Variants in CELSR1 observed in about 807,000 individuals in gnomAD.
CELSR1 encodes adhesion G protein-coupled receptor C1.
CELSR1 carries 110 observed loss-of-function variants against 249.1 expected under a neutral mutation model. The observed-to-expected ratio is 0.44, with a 90% CI of 0.38 to 0.52. The LOEUF is 0.52. Ranked by LOEUF, CELSR1 falls within the 20% of genes least tolerant of loss-of-function variation. CELSR1 has a pLI of 0.00. For missense variants in CELSR1, 4,109 were observed against 4,296.4 expected (o/e 0.96, Z 1.22); for synonymous variants, 2,113 against 1,900.0 (o/e 1.11, Z -2.92).
In CELSR1 at chr22:46,393,371, C is replaced by T. The variant is rs9615360; in HGVS notation, c.5964+771G>A. ...GTTAGGACTGACCGCCCTGGACAGG[C>T]GTGGGGCATAACGCACTTAGTGACA... On this transcript the variant is annotated intron_variant, in intron 14 of 34. Transcript: ENST00000674500. The surrounding 1 kb of genome is among the most constrained non-coding windows in gnomAD (Gnocchi z 4.1). Among the ~76,000 whole-genome samples the T allele has an allele frequency of 1.3e-5, 2 of 152,220 alleles. No individual in the cohort carries two copies. Among genetic ancestry groups the T allele is most frequent in the Non-Finnish European group, 2.9e-5 (2 of 68,030 alleles).
chr22:46,460,065 G>A (rs1227451168), intron 2 of CELSR1, among the ~76,000 whole-genome samples: 12 of 152,012 alleles, frequency 7.9e-5, no homozygotes, highest in South Asian at 4.2e-4. Context: ...AAAATTAGCC[G>A]GGCGTGGTGA....
At chr22:46,373,105 A>T in intron 24 of CELSR1, 48 bp from the exon 25 acceptor site, 1 of 1,512,808 alleles carries the variant, frequency 6.6e-7, no homozygotes, top group Non-Finnish European at 8.9e-7. Flanking sequence ...TCCCAGGCTG[A>T]GGTCAGACAG....
chr22:46,394,498 G>A (rs1175221356), intron 13 of CELSR1, among the ~76,000 whole-genome samples: 2 of 152,134 alleles, frequency 1.3e-5, no homozygotes, highest in Admixed American at 1.3e-4. Flanking sequence ...TCTGTCCACC[G>A]TGTGCCCCAC....
In CELSR1 at chr22:46,399,654, TTC is replaced by T. The variant is rs1243225784; in HGVS notation, c.5412+61_5412+62del. The T allele has an allele frequency of 1.3e-6, 2 of 1,545,862 alleles. No homozygotes were observed. The highest frequency in any genetic ancestry group is 1.8e-6 in the Non-Finnish European group (2 of 1,122,530). ...TGGGTCCTGGCACGTCAAGGGGTCA[TTC>T]TGTTTTTCCCTGGGCCGGAGGAAGG... On this transcript the variant is annotated intron_variant, in intron 10 of 34. Coordinates refer to ENST00000674500, the MANE Select transcript of CELSR1 (RefSeq NM_001378328.1). The surrounding 1 kb of genome is among the most constrained non-coding windows in gnomAD (Gnocchi z 5.0).
At position 46,406,972 on chromosome 22, in the gene CELSR1, C is replaced by T. The variant is rs570193827; in HGVS notation, c.5226+2024G>A. Among the ~76,000 whole-genome samples the T allele has an allele frequency of 6.6e-6, 1 of 152,336 alleles. No homozygotes were observed. The highest frequency in any genetic ancestry group is 1.5e-5 in the Non-Finnish European group (1 of 68,020). ...GGCGGAGGACACGCAGCCCAGACGC[C>T]GCTTTGGGAGGGACTTCCTGACCGC... On this transcript the variant is annotated intron_variant, in intron 9 of 34. Transcript: ENST00000674500. This position sits in a 1 kb window ranked among gnomAD's most constrained non-coding sequence, Gnocchi z 5.4.
chr22:46,439,163 TG>T, intron 3 of CELSR1, 25 bp downstream of exon 3: 1 of 1,597,298 alleles, frequency 6.3e-7, no homozygotes, highest in Non-Finnish European at 8.6e-7. Flanking sequence ...GAGACCCCCG[TG>T]TGGCGCGGCG....
In CELSR1 at chr22:46,374,240, G is replaced by A. The variant is rs528578402; in HGVS notation, c.7585-1183C>T. Among the ~76,000 whole-genome samples, 1 of 152,214 alleles carries A rather than the reference G, an allele frequency of 6.6e-6. No individual in the cohort carries two copies. The highest frequency in any genetic ancestry group is 1.9e-4 in the East Asian group (1 of 5,192). Reference sequence around the variant, plus strand: ...ATCACACTGGCTCAGGAAAAGGAAGGGGGTGAGAAGGTTGGTTGGCTGGAT... The same window carrying A: ...ATCACACTGGCTCAGGAAAAGGAAGAGGGTGAGAAGGTTGGTTGGCTGGAT... On this transcript the variant is annotated intron_variant, in intron 24 of 34. Transcript: ENST00000674500. This position sits in a 1 kb window ranked among gnomAD's most constrained non-coding sequence, Gnocchi z 4.3.
At chr22:46,496,685 C>T (rs998038728) in intron 1 of CELSR1, among the ~76,000 whole-genome samples, 1 of 151,424 alleles carries the variant, frequency 6.6e-6, no homozygotes, top group African/African-American at 2.4e-5. Flanking sequence ...TTAGCCTAGG[C>T]CTATGCAGGG....
intron 1 of CELSR1, among the ~76,000 whole-genome samples, chr22:46,492,135 G>T (rs1386134339): frequency 1.3e-5 from 2 of 152,236 alleles, no homozygotes; most frequent in African/African-American, 4.8e-5. Flanking sequence ...TTCCCTCGGG[G>T]CTGCTTCCCA....
chr22:46,497,063 T>C (rs2080421190), intron 1 of CELSR1, among the ~76,000 whole-genome samples: 1 of 152,090 alleles, frequency 6.6e-6, no homozygotes, highest in African/African-American at 2.4e-5. Context: ...AACACATGAG[T>C]AATGTGTTGC....
chr22:46,463,771 G>A lies in CELSR1; in HGVS notation c.4119C>T (p.Gly1373=), dbSNP rs747030341. 2.1e-5 allele frequency: 33 copies of A among 1,574,260 alleles called. No individual in the cohort carries two copies. The highest frequency in any genetic ancestry group is 9.0e-5 in the East Asian group (4 of 44,402). ...CGCGGCTGCGGCAGCGGCCGTTGGCGCCGCACGGGTCGGAGTAGCAGAGGT... is the reference window on the plus strand; with the variant it reads ...CGCGGCTGCGGCAGCGGCCGTTGGCACCGCACGGGTCGGAGTAGCAGAGGT... ...EIDLCYSDPC[G]ANGRCRSREG... Residue 1373 remains glycine, a synonymous_variant, in exon 2 of 35, where the codon GGC becomes GGT. Coordinates refer to ENST00000674500, the MANE Select transcript of CELSR1 (RefSeq NM_001378328.1).
At chr22:46,519,382 G>A (rs778145234) in intron 1 of CELSR1, among the ~76,000 whole-genome samples, 14 of 152,232 alleles carry the variant, frequency 9.2e-5, no homozygotes, top group African/African-American at 1.9e-4. Flanking sequence ...TTGAACCAGC[G>A]TGTGTACTGG....
In CELSR1 at chr22:46,447,192, T is replaced by C. The variant is rs1434373037; in HGVS notation, c.4184-7781A>G. ...GGCTGAGTTGAAAAGAGATGTGATA[T>C]GACAGATTTTTAATTCTAAAATCAT... On this transcript the variant is annotated intron_variant, in intron 2 of 34. Coordinates refer to ENST00000674500, the MANE Select transcript of CELSR1 (RefSeq NM_001378328.1). This position sits in a 1 kb window ranked among gnomAD's most constrained non-coding sequence, Gnocchi z 4.7. 1.3e-5 allele frequency among the ~76,000 whole-genome samples: 2 copies of C among 152,170 alleles called. No individual in the cohort carries two copies. Among genetic ancestry groups the C allele is most frequent in the East Asian group, 1.9e-4 (1 of 5,172 alleles).
At chr22:46,444,052 T>C (rs752629647) in intron 2 of CELSR1, among the ~76,000 whole-genome samples, 63 of 152,204 alleles carry the variant, frequency 4.1e-4, no homozygotes, top group African/African-American at 1.4e-3. Flanking sequence ...CAGCCGCTTC[T>C]GTCTGTCCCA....
intron 1 of CELSR1, among the ~76,000 whole-genome samples, chr22:46,501,199 A>AT (rs57293109): frequency 0.069 from 7,510 of 108,314 alleles, 743 homozygotes; most frequent in African/African-American, 0.22. Context: ...TGCCCGGCTA[A>AT]TTTTTTTTTT....
chr22:46,481,733 GCTC>G lies in CELSR1; in HGVS notation c.3545-17391_3545-17389del, dbSNP rs202181049. The G allele has an allele frequency of 9.0e-3, 4,618 of 511,348 alleles. 31 individuals carry two copies. The highest frequency in any genetic ancestry group is 0.012 in the Non-Finnish European group (3,464 of 281,366). 31.7% of individuals were successfully genotyped at this position (511,348 alleles called of 1,614,324 possible). A position where few individuals can be genotyped will look rare whatever the true frequency, so the allele number is the denominator to read the frequency against. ...ACCTCCTGCACCCGCAGCTGCTGCA[GCTC>G]CCCAGTGGCAACCCTGTGCTGCCCC... On this transcript the variant is annotated intron_variant, in intron 1 of 34. Transcript: ENST00000674500.
At chr22:46,469,291 G>A (rs145533522) in intron 1 of CELSR1, among the ~76,000 whole-genome samples, 5 of 152,106 alleles carry the variant, frequency 3.3e-5, no homozygotes. Flanking sequence ...TCTGTCCTGT[G>A]GTCTGCGTGA....
At chr22:46,382,204 A>G (rs538928336) in intron 20 of CELSR1, among the ~76,000 whole-genome samples, 154 bp from the exon 21 acceptor site, 12 of 152,300 alleles carry the variant, frequency 7.9e-5, no homozygotes, top group Non-Finnish European at 1.8e-4. Context: ...GACTTATCAC[A>G]TGACCCTGCA....
In CELSR1 at chr22:46,463,855, G is replaced by T; in HGVS notation, c.4035C>A (p.Asn1345Lys). 6.2e-7 allele frequency: 1 copy of T among 1,612,488 alleles called. No homozygotes were observed. The highest frequency in any genetic ancestry group is 8.5e-7 in the Non-Finnish European group (1 of 1,179,298). The change falls in exon 2 of 35, where the codon AAC (asparagine) becomes AAA (lysine). Residue 1345 changes from asparagine to lysine, a missense_variant. Around this residue, in one of 7 missense-constraint regions of CELSR1, gnomAD observed 141 missense variants for 209.4 expected, o/e 0.67. Coordinates refer to ENST00000674500, the MANE Select transcript of CELSR1 (RefSeq NM_001378328.1). ...TVLFRPIHPINGLRCRCPPGF... is the reference protein window; with the variant it reads ...TVLFRPIHPIKGLRCRCPPGF... ...CGGGCGGGCAGCGGCAGCGCAGGCCGTTGATGGGGTGGATGGGCCGGAAGA... is the reference window on the plus strand; with the variant it reads ...CGGGCGGGCAGCGGCAGCGCAGGCCTTTGATGGGGTGGATGGGCCGGAAGA...
Sources: gnomAD v4.1 joint callset for allele counts (sites outside exome capture counted in the v4.1 genomes callset) on GRCh38, gnomAD v4.1.1 for gene constraint, gnomAD v4.1.1 regional missense constraint, Gnocchi (gnomAD v3.1) non-coding constraint, MANE v1.5 for transcripts, NCBI Gene and HGNC (gene_info 2026-07-23, HGNC 2026-07-21) for gene names.